The following WWOX variants were observed in gnomAD, a reference collection of about 807,000 sequenced individuals.
WWOX encodes WW domain containing oxidoreductase.
WWOX carries 69 observed loss-of-function variants against 46.2 expected under a neutral mutation model. That is an observed-to-expected ratio of 1.49 (90% CI 1.23 to 1.82). WWOX has a LOEUF of 1.82. WWOX is among the 40% of genes most tolerant of loss of function. The probability of loss-of-function intolerance (pLI) is 0.00; values close to 1 mark genes in which losing one functional copy is unlikely to be tolerated. For synonymous variants in WWOX, 359 were observed against 202.6 expected, an observed-to-expected ratio of 1.77 and a Z score of -6.56; for missense variants, 919 against 542.6, an observed-to-expected ratio of 1.69 and a Z score of -6.89.
chr16:78,152,697 C>T (rs1318117796), intron 4 of WWOX, among the ~76,000 whole-genome samples: 1 of 152,190 alleles, frequency 6.6e-6, no homozygotes, highest in Non-Finnish European at 1.5e-5. Flanking sequence ...AGAACTTATT[C>T]ACCCAGCACA....
chr16:78,672,729 T>C (rs1555513572), intron 8 of WWOX, among the ~76,000 whole-genome samples: 6 of 152,220 alleles, frequency 3.9e-5, no homozygotes, highest in Non-Finnish European at 8.8e-5. Flanking sequence ...GGACCGTTAC[T>C]GGTCTGCAGC....
chr16:78,852,605 G>C (rs1488373091), intron 8 of WWOX, among the ~76,000 whole-genome samples: 1 of 152,154 alleles, frequency 6.6e-6, no homozygotes, highest in Non-Finnish European at 1.5e-5. Flanking sequence ...TAGCTAAGCT[G>C]CTCCTGAATT....
rs373024483 is a variant in WWOX at position 78,178,480 on chromosome 16, T to C, written c.516+14191T>C. 1.2e-4 allele frequency among the ~76,000 whole-genome samples: 18 copies of C among 152,348 alleles called. No individual in the cohort carries two copies. In the East Asian group the frequency reaches 2.1e-3, roughly 18 times the overall value. On this transcript the variant is annotated intron_variant, in intron 5 of 8. Coordinates refer to ENST00000566780, the MANE Select transcript of WWOX (RefSeq NM_016373.4). ...TCTGGAACCTTCTGGATTCTTCCTC[T>C]TATGGGTAGTGATGGGCACTTTAGG... is the stretch of plus-strand genomic sequence containing the variant.
intron 6 of WWOX, among the ~76,000 whole-genome samples, chr16:78,400,263 T>C (rs1184342936): frequency 6.6e-6 from 1 of 152,188 alleles, no homozygotes; most frequent in Non-Finnish European, 1.5e-5. Flanking sequence ...GAAGTACAAG[T>C]TATGCATAAG....
chr16:78,779,945 G>A (rs530406343), intron 8 of WWOX, among the ~76,000 whole-genome samples: 2 of 152,290 alleles, frequency 1.3e-5, no homozygotes, highest in Non-Finnish European at 2.9e-5. Flanking sequence ...AATCAATAAT[G>A]AAAAGCTACC....
chr16:78,205,855 T>C (rs1428886735), intron 5 of WWOX, among the ~76,000 whole-genome samples: 2 of 151,488 alleles, frequency 1.3e-5, no homozygotes, highest in Non-Finnish European at 2.9e-5. Context: ...CGTCCTTCCT[T>C]CCTTCCTTCC....
chr16:79,091,130 C>T (rs974678461), intron 8 of WWOX, among the ~76,000 whole-genome samples: 1 of 152,142 alleles, frequency 6.6e-6, no homozygotes, highest in African/African-American at 2.4e-5. Flanking sequence ...GGGAGGCTCT[C>T]GAGGTTTTAT....
chr16:78,671,204 C>A (rs146033546), intron 8 of WWOX, among the ~76,000 whole-genome samples: 1 of 152,134 alleles, frequency 6.6e-6, no homozygotes, highest in African/African-American at 2.4e-5. Flanking sequence ...AGGTGGATCA[C>A]TTCAACCCAG....
chr16:79,137,033 C>G (rs2049995000), intron 8 of WWOX, among the ~76,000 whole-genome samples: 1 of 152,132 alleles, frequency 6.6e-6, no homozygotes, highest in Admixed American at 6.6e-5. Flanking sequence ...TGTTTTATTA[C>G]CATAAACTGC....
rs146446982 is a variant in WWOX at position 79,133,788 on chromosome 16, T to C, written c.1057-77820T>C. ...GTATTACTTAACTAGGCGTATAGAATTGAGGGGAAATGCAGGATGTAATGA... is the reference window on the plus strand; with the variant it reads ...GTATTACTTAACTAGGCGTATAGAACTGAGGGGAAATGCAGGATGTAATGA... On this transcript the variant is annotated intron_variant, in intron 8 of 8. Coordinates refer to ENST00000566780, the MANE Select transcript of WWOX (RefSeq NM_016373.4). Among the ~76,000 whole-genome samples, 1,164 of 152,282 alleles carry C rather than the reference T, an allele frequency of 7.6e-3. 15 individuals carry two copies. The highest frequency in any genetic ancestry group is 0.026 in the African/African-American group (1,067 of 41,554).
intron 8 of WWOX, among the ~76,000 whole-genome samples, chr16:79,030,279 A>G (rs78467745): frequency 1.1e-4 from 16 of 152,340 alleles, no homozygotes; most frequent in Non-Finnish European, 2.2e-4. Flanking sequence ...TAATTACTTT[A>G]TGACTTCTTC....
intron 8 of WWOX, among the ~76,000 whole-genome samples, chr16:78,797,383 A>G (rs1472009550): frequency 6.7e-6 from 1 of 149,640 alleles, no homozygotes; most frequent in Non-Finnish European, 1.5e-5. Context: ...AAAAAAAAGG[A>G]AAATCAAATA....
chr16:78,570,280 T>C (rs2044681948), intron 8 of WWOX, among the ~76,000 whole-genome samples: 1 of 152,122 alleles, frequency 6.6e-6, no homozygotes, highest in African/African-American at 2.4e-5. Flanking sequence ...ATGTCCAGTT[T>C]CACCACCAAA....
intron 8 of WWOX, among the ~76,000 whole-genome samples, chr16:79,207,294 A>G (rs1396606836): frequency 6.6e-6 from 1 of 152,256 alleles, no homozygotes; most frequent in African/African-American, 2.4e-5. Context: ...ACACCAGATG[A>G]GTAACAATGG....
intron 8 of WWOX, among the ~76,000 whole-genome samples, chr16:78,785,199 C>T (rs900817996): frequency 1.3e-5 from 2 of 152,218 alleles, no homozygotes; most frequent in Non-Finnish European, 2.9e-5. Context: ...GATGAAGTGT[C>T]TTTTGCTAGC....
chr16:78,565,267 A>G (rs988775423), intron 8 of WWOX, among the ~76,000 whole-genome samples: 3 of 152,246 alleles, frequency 2.0e-5, no homozygotes, highest in Non-Finnish European at 4.4e-5. Context: ...ACACATGCTT[A>G]TCATGTTGCA....
chr16:78,367,082 C>A (rs1228365078), intron 5 of WWOX, among the ~76,000 whole-genome samples: 2 of 149,420 alleles, frequency 1.3e-5, no homozygotes, highest in Non-Finnish European at 2.9e-5. Flanking sequence ...CAGGTTTACG[C>A]CATTCTCCTG....
At chr16:78,566,444 G>C (rs530521534) in intron 8 of WWOX, among the ~76,000 whole-genome samples, 1 of 152,202 alleles carries the variant, frequency 6.6e-6, no homozygotes, top group East Asian at 1.9e-4. Context: ...CAAAAACCAA[G>C]TTTTGCTGCC....
At chr16:78,460,222 G>A (rs147337286) in intron 8 of WWOX, among the ~76,000 whole-genome samples, 2 of 152,122 alleles carry the variant, frequency 1.3e-5, no homozygotes, top group East Asian at 1.9e-4. Context: ...GTGCCTCCCG[G>A]ATTCAAGAGA....
Sources: allele counts gnomAD v4.1 joint callset (sites outside exome capture counted in the v4.1 genomes callset), GRCh38; gene constraint gnomAD v4.1.1; transcripts MANE v1.5; gene names NCBI Gene and HGNC (gene_info 2026-07-23, HGNC 2026-07-21).